FHOD3: variants seen among roughly 807,000 people sequenced by gnomAD.
FHOD3 encodes the protein FH1/FH2 domain-containing protein 3.
In FHOD3, 90 loss-of-function variants were observed where a neutral mutation model predicts 173.0. That is an observed-to-expected ratio of 0.52 (90% CI 0.44 to 0.62). FHOD3 has a LOEUF of 0.62. FHOD3 is among the 20% of genes least tolerant of loss of function. The pLI, the probability that FHOD3 is intolerant of heterozygous loss-of-function variation, is 0.00. For missense variants in FHOD3, 1,945 were observed against 2,034.7 expected (o/e 0.96, Z 0.85); for synonymous variants, 828 against 823.0 (o/e 1.01, Z -0.10).
intron 3 of FHOD3, among the ~76,000 whole-genome samples, chr18:36,404,926 C>T (rs2048988826): frequency 6.6e-6 from 1 of 152,142 alleles, no homozygotes; most frequent in African/African-American, 2.4e-5. Context: ...AACCAATGAT[C>T]TAATAGATGA....
At chr18:36,641,674 A>G (rs539502514) in intron 10 of FHOD3, among the ~76,000 whole-genome samples, 1 of 152,274 alleles carries the variant, frequency 6.6e-6, no homozygotes, top group South Asian at 2.1e-4. Flanking sequence ...AAATTTGTTA[A>G]GCAGGGCACG....
At chr18:36,649,172 C>G (rs1600079537) in intron 10 of FHOD3, 144 bp from the exon 11 acceptor site, 1 of 592,200 alleles carries the variant, frequency 1.7e-6, no homozygotes, top group East Asian at 3.0e-5. Context: ...TTTCAGCCAG[C>G]TGGGTGGTTT....
At chr18:36,398,679 T>C (rs992803191) in intron 3 of FHOD3, among the ~76,000 whole-genome samples, 1 of 152,208 alleles carries the variant, frequency 6.6e-6, no homozygotes, top group Non-Finnish European at 1.5e-5. Flanking sequence ...AGGCAGAGCT[T>C]TAAGCGAGTG....
intron 15 of FHOD3, among the ~76,000 whole-genome samples, chr18:36,686,808 T>C (rs952435856): frequency 1.3e-5 from 2 of 152,168 alleles, no homozygotes; most frequent in Admixed American, 6.5e-5. Context: ...GTTATTGCTG[T>C]ATTTTATTTA....
chr18:36,443,061 C>G (rs1046764734), intron 3 of FHOD3, among the ~76,000 whole-genome samples: 5 of 152,140 alleles, frequency 3.3e-5, no homozygotes, highest in African/African-American at 9.7e-5. Flanking sequence ...CTTCTCAGTT[C>G]ATTGTATATG....
intron 3 of FHOD3, among the ~76,000 whole-genome samples, chr18:36,495,818 G>C (rs2054716298): frequency 6.6e-6 from 1 of 152,180 alleles, no homozygotes; most frequent in Non-Finnish European, 1.5e-5. Flanking sequence ...TAGAGAATTG[G>C]ATTGCAGAAC....
At chr18:36,448,721 G>A (rs1287668861) in intron 3 of FHOD3, among the ~76,000 whole-genome samples, 1 of 73,910 alleles carries the variant, frequency 1.4e-5, no homozygotes, top group African/African-American at 9.7e-5. Flanking sequence ...AGTTGTGTGG[G>A]ACAACTCAGG....
chr18:36,718,734 A>T lies in FHOD3; in HGVS notation c.3417+19A>T. The T allele has an allele frequency of 1.3e-6, 2 of 1,598,116 alleles. No individual in the cohort carries two copies. The highest frequency in any genetic ancestry group is 1.7e-6 in the Non-Finnish European group (2 of 1,171,402). On this transcript the variant is annotated intron_variant, in intron 19 of 28. Transcript: ENST00000590592. ...CTCAAAGGTACTGCTAGTCTTCAGC[A>T]TGCTTCTTGATTGGAAGTTGGGTAG...
At chr18:36,384,129 G>A (rs1433129261) in intron 3 of FHOD3, among the ~76,000 whole-genome samples, 7 of 152,144 alleles carry the variant, frequency 4.6e-5, no homozygotes, top group African/African-American at 1.7e-4. Flanking sequence ...TAGGCCGAGT[G>A]TGGTGGCTCA....
chr18:36,466,697 G>C (rs983474030), intron 3 of FHOD3, among the ~76,000 whole-genome samples: 27 of 152,178 alleles, frequency 1.8e-4, no homozygotes, highest in Non-Finnish European at 3.1e-4. Context: ...CCCTCAGGAA[G>C]AAATTTAGAA....
rs530562914 is a variant in FHOD3 at position 36,389,174 on chromosome 18, T to G, written c.337+16430T>G. On this transcript the variant is annotated intron_variant, in intron 3 of 28. Coordinates refer to ENST00000590592, the MANE Select transcript of FHOD3 (RefSeq NM_001281740.3). ...TTTGCGAATAAAGATGCATTGATGC[T>G]TCAAAAAAAAAGAAGAAGAAGAAGA... Among the ~76,000 whole-genome samples the G allele has an allele frequency of 1.3e-4, 20 of 152,118 alleles. No homozygotes were observed. The East Asian group carries it at 1.4e-3, about 10-fold the overall frequency.
intron 15 of FHOD3, among the ~76,000 whole-genome samples, chr18:36,683,617 A>T (rs990017778): frequency 6.6e-6 from 1 of 152,232 alleles, no homozygotes; most frequent in African/African-American, 2.4e-5. Context: ...TCAAATCTGG[A>T]CCAAAAGAAC....
At chr18:36,498,414 A>C (rs893978791) in intron 3 of FHOD3, among the ~76,000 whole-genome samples, 4 of 152,184 alleles carry the variant, frequency 2.6e-5, no homozygotes, top group Admixed American at 2.6e-4. Context: ...AGGCTAAAAT[A>C]AAATTGATAG....
In FHOD3 at chr18:36,709,197, A is replaced by G. The variant is rs1463468719; in HGVS notation, c.2339A>G (p.His780Arg). The change falls in exon 18 of 29, where the codon CAC becomes CGC. Residue 780 changes from histidine to arginine, a missense_variant. Transcript: ENST00000590592. ...DEAGQDIASA[H>R]EGAETEVEQA... ...GCTGGCCAGGACATAGCCTCTGCCC[A>G]CGAGGGTGCAGAGACTGAAGTGGAG... is the stretch of plus-strand genomic sequence containing the variant. 6.2e-7 allele frequency: 1 copy of G among 1,614,182 alleles called. No individual in the cohort carries two copies. Among genetic ancestry groups the G allele is most frequent in the Non-Finnish European group, 8.5e-7 (1 of 1,180,042 alleles).
chr18:36,412,503 T>TG (rs1456025054), intron 3 of FHOD3, among the ~76,000 whole-genome samples: 15 of 152,232 alleles, frequency 9.9e-5, no homozygotes, highest in South Asian at 2.1e-4. Context: ...GATTTATTCT[T>TG]GAACAGCTGG....
chr18:36,409,532 A>G (rs540039425), intron 3 of FHOD3, among the ~76,000 whole-genome samples: 11 of 151,764 alleles, frequency 7.2e-5, no homozygotes, highest in African/African-American at 2.4e-4. Flanking sequence ...TTGTTGATTC[A>G]TTTCCCCCTC....
chr18:36,648,386 G>A (rs371340199), intron 10 of FHOD3, among the ~76,000 whole-genome samples: 49 of 152,262 alleles, frequency 3.2e-4, no homozygotes, highest in African/African-American at 1.2e-3. Context: ...CACATAAGTC[G>A]GTTGTTGACA....
At chr18:36,371,673 C>T (rs1360155876) in intron 2 of FHOD3, among the ~76,000 whole-genome samples, 2 of 152,208 alleles carry the variant, frequency 1.3e-5, no homozygotes, top group Non-Finnish European at 1.5e-5. Context: ...TTGATGTAGT[C>T]ATTACTGTGA....
chr18:36,578,100 A>G (rs2058721907), intron 6 of FHOD3, among the ~76,000 whole-genome samples: 1 of 152,226 alleles, frequency 6.6e-6, no homozygotes, highest in Admixed American at 6.5e-5. Flanking sequence ...AACAGGTCAC[A>G]GAATCAGCAT....
Sources: allele counts gnomAD v4.1 joint callset (sites outside exome capture counted in the v4.1 genomes callset), GRCh38; gene constraint gnomAD v4.1.1; transcripts MANE v1.5; gene names NCBI Gene and HGNC (gene_info 2026-07-23, HGNC 2026-07-21).